PTPRD: variants seen among roughly 807,000 people sequenced by gnomAD.
PTPRD encodes the protein protein tyrosine phosphatase receptor type D.
PTPRD carries 34 observed loss-of-function variants against 214.5 expected under a neutral mutation model. The observed-to-expected ratio is 0.16, with a 90% CI of 0.12 to 0.21. The LOEUF (loss-of-function observed/expected upper bound fraction) is 0.21, where lower values mean the gene tolerates loss of function less well. Ranked by LOEUF, PTPRD falls within the 10% of genes least tolerant of loss-of-function variation. The pLI, the probability that PTPRD is intolerant of heterozygous loss-of-function variation, is 1.00. For synonymous variants in PTPRD, 1,128 were observed against 845.7 expected (o/e 1.33, Z -5.79); for missense variants, 2,545 against 2,398.7 (o/e 1.06, Z -1.27).
chr9:9,363,111 C>CTTT (rs3048061), intron 9 of PTPRD, among the ~76,000 whole-genome samples: 1 of 129,862 alleles, frequency 7.7e-6, no homozygotes, highest in African/African-American at 2.8e-5. Flanking sequence ...CTATTTTGTG[C>CTTT]TTTTTTTTTT....
At chr9:10,023,250 A>T (rs921312429) in intron 4 of PTPRD, among the ~76,000 whole-genome samples, 1 of 152,198 alleles carries the variant, frequency 6.6e-6, no homozygotes, top group Non-Finnish European at 1.5e-5. Context: ...ACCAATCATT[A>T]TAAATTAACA....
At chr9:8,751,945 G>A (rs948542813) in intron 11 of PTPRD, among the ~76,000 whole-genome samples, 1 of 152,154 alleles carries the variant, frequency 6.6e-6, no homozygotes, top group Non-Finnish European at 1.5e-5. Context: ...CTTTCTACAT[G>A]CCTTGGCCAA....
intron 12 of PTPRD, among the ~76,000 whole-genome samples, chr9:8,720,972 T>C (rs2098488041): frequency 6.6e-6 from 1 of 152,066 alleles, no homozygotes; most frequent in Non-Finnish European, 1.5e-5. Flanking sequence ...TGAGTGTGTG[T>C]TTTAGGTCCT....
intron 8 of PTPRD, among the ~76,000 whole-genome samples, chr9:9,473,059 A>C (rs1282809436): frequency 6.6e-6 from 1 of 152,170 alleles, no homozygotes; most frequent in African/African-American, 2.4e-5. Flanking sequence ...GAACATTAAA[A>C]TTTATTCCTC....
chr9:9,884,754 A>T (rs2070175913), intron 5 of PTPRD, among the ~76,000 whole-genome samples: 1 of 152,100 alleles, frequency 6.6e-6, no homozygotes, highest in Admixed American at 6.6e-5. Context: ...GTAAGTTTTC[A>T]TGAGATCTGA....
chr9:9,836,487 A>C (rs928545035), intron 5 of PTPRD, among the ~76,000 whole-genome samples: 2 of 152,268 alleles, frequency 1.3e-5, no homozygotes, highest in Non-Finnish European at 1.5e-5. Context: ...TCGCCTGACT[A>C]CTACCACTGA....
At chr9:9,733,716 G>T (rs1443464422) in intron 7 of PTPRD, among the ~76,000 whole-genome samples, 1 of 152,092 alleles carries the variant, frequency 6.6e-6, no homozygotes, top group South Asian at 2.1e-4. Context: ...TATGGAAAGG[G>T]TCACTGCGTC....
intron 28 of PTPRD, 58 bp downstream of exon 28, chr9:8,485,704 G>A (rs1314320555): frequency 1.5e-5 from 22 of 1,424,954 alleles, no homozygotes; most frequent in Middle Eastern, 5.1e-4. Context: ...TCAAAATACT[G>A]ATTTCCAAAG....
chr9:10,082,168 A>G (rs2098249578), intron 3 of PTPRD, among the ~76,000 whole-genome samples: 1 of 152,122 alleles, frequency 6.6e-6, no homozygotes, highest in African/African-American at 2.4e-5. Context: ...GCAATTTCAC[A>G]AATCTACTTT....
At chr9:9,352,353 G>A (rs76744583) in intron 9 of PTPRD, among the ~76,000 whole-genome samples, 3,021 of 130,098 alleles carry the variant, frequency 0.023, 93 homozygotes, top group African/African-American at 0.072. Context: ...GTGTGTGTGT[G>A]TATATATGTG....
intron 14 of PTPRD, among the ~76,000 whole-genome samples, chr9:8,614,537 CT>C (rs1188008822): frequency 6.6e-6 from 1 of 152,136 alleles, no homozygotes; most frequent in Non-Finnish European, 1.5e-5. Context: ...CACTTAAGTA[CT>C]CTTTAGGACT....
At chr9:9,769,358 CT>C (rs2098733348) in intron 5 of PTPRD, among the ~76,000 whole-genome samples, 2 of 111,450 alleles carry the variant, frequency 1.8e-5, no homozygotes, top group Admixed American at 2.6e-4. Flanking sequence ...TGGAGTCTCA[CT>C]GTGTCACCTA....
At chr9:8,496,333 T>C (rs1195138850) in intron 26 of PTPRD, among the ~76,000 whole-genome samples, 4 of 152,192 alleles carry the variant, frequency 2.6e-5, no homozygotes, top group East Asian at 1.9e-4. Flanking sequence ...ATAGCTTTTA[T>C]TGACACTGTC....
intron 3 of PTPRD, among the ~76,000 whole-genome samples, chr9:10,265,880 C>T (rs933514685): frequency 6.6e-6 from 1 of 152,104 alleles, no homozygotes; most frequent in Non-Finnish European, 1.5e-5. Flanking sequence ...TAAGTGAAAT[C>T]AGCATTACAG....
At chr9:9,139,662 T>C (rs1159101724) in intron 10 of PTPRD, among the ~76,000 whole-genome samples, 1 of 152,184 alleles carries the variant, frequency 6.6e-6, no homozygotes, top group Non-Finnish European at 1.5e-5. Flanking sequence ...CACAAGATTT[T>C]CATCATGCTT....
intron 4 of PTPRD, among the ~76,000 whole-genome samples, chr9:9,996,720 C>T (rs1330579151): frequency 6.6e-6 from 1 of 152,158 alleles, no homozygotes; most frequent in African/African-American, 2.4e-5. Flanking sequence ...TATTAGCTGA[C>T]CACTATAAGG....
At chr9:8,898,881 T>C (rs1046210378) in intron 11 of PTPRD, among the ~76,000 whole-genome samples, 1 of 152,192 alleles carries the variant, frequency 6.6e-6, no homozygotes, top group African/African-American at 2.4e-5. Context: ...GTTTGTTTTA[T>C]ATATAAAAAG....
intron 3 of PTPRD, among the ~76,000 whole-genome samples, chr9:10,048,923 C>T (rs1266643678): frequency 1.3e-5 from 2 of 151,962 alleles, no homozygotes; most frequent in South Asian, 2.1e-4. Context: ...AGGATGATTA[C>T]GCAGGATTAG....
intron 2 of PTPRD, among the ~76,000 whole-genome samples, chr9:10,554,902 C>T (rs1050728591): frequency 2.0e-5 from 3 of 152,224 alleles, no homozygotes; most frequent in East Asian, 3.9e-4. Flanking sequence ...CCTCGTGATC[C>T]GCCCACCTGG....
Sources: gnomAD v4.1 joint callset for allele counts (sites outside exome capture counted in the v4.1 genomes callset) on GRCh38, gnomAD v4.1.1 for gene constraint, MANE v1.5 for transcripts, NCBI Gene and HGNC (gene_info 2026-07-23, HGNC 2026-07-21) for gene names.